METTL8: variants seen among roughly 807,000 people sequenced by gnomAD.
METTL8 encodes methyltransferase 8, tRNA N3-cytidine.
In METTL8, 32 loss-of-function variants were observed where a neutral mutation model predicts 48.7. That is an observed-to-expected ratio of 0.66 (90% CI 0.50 to 0.88). METTL8 has a LOEUF of 0.88. METTL8 is among the 40% of genes least tolerant of loss of function. The pLI is 0.00. For synonymous variants in METTL8, 136 were observed against 157.1 expected (o/e 0.87, Z 1.01); for missense variants, 464 against 474.4 (o/e 0.98, Z 0.20).
At chr2:171,353,624 T>G (rs1484230181) in intron 3 of METTL8, among the ~76,000 whole-genome samples, 1 of 152,220 alleles carries the variant, frequency 6.6e-6, no homozygotes. Context: ...TCTAAGGACT[T>G]GCTTTATGAA....
Position 171,360,447 on chromosome 2 carries a change from A to G in METTL8, c.210T>C (p.Ala70=), listed in dbSNP as rs145949185. 2.8e-4 allele frequency: 445 copies of G among 1,613,926 alleles called. 2 individuals are homozygous for G. In the African/African-American group the frequency reaches 5.2e-3, roughly 19 times the overall value. ...CTTGCTCTTCCAGAAGGACTCGCACAGCTGAGTTTTCTTTTACTTTTTTTC... is the reference window on the plus strand; with the variant it reads ...CTTGCTCTTCCAGAAGGACTCGCACGGCTGAGTTTTCTTTTACTTTTTTTC... ...AARKKVKENS[A]VRVLLEEQVK... The change falls in exon 3 of 10, where the codon GCT becomes GCC. Residue 70 remains alanine (A), a synonymous_variant. Transcript: ENST00000375258.
chr2:171,355,683 C>G (rs1405504507), intron 3 of METTL8, among the ~76,000 whole-genome samples: 2 of 152,366 alleles, frequency 1.3e-5, no homozygotes, highest in East Asian at 3.9e-4. Context: ...GCCCCTCCCC[C>G]AGCCTCGCTG....
At chr2:171,378,555 C>T (rs1687201976) in intron 2 of METTL8, among the ~76,000 whole-genome samples, 1 of 152,052 alleles carries the variant, frequency 6.6e-6, no homozygotes. Context: ...TTGCTTGAAC[C>T]CGGGAGGTGG....
At chr2:171,382,644 C>T (rs564403830) in intron 2 of METTL8, among the ~76,000 whole-genome samples, 1 of 151,978 alleles carries the variant, frequency 6.6e-6, no homozygotes, top group South Asian at 2.1e-4. Flanking sequence ...ACAGATGCAG[C>T]AAACCACCAT....
chr2:171,333,907 A>T (rs1178748582), intron 5 of METTL8, among the ~76,000 whole-genome samples: 1 of 152,204 alleles, frequency 6.6e-6, no homozygotes, highest in Non-Finnish European at 1.5e-5. Flanking sequence ...TTTGAAGTGA[A>T]TGGATTCTTA....
chr2:171,420,126 G>T (rs1288325003), intron 1 of METTL8, among the ~76,000 whole-genome samples: 1 of 152,216 alleles, frequency 6.6e-6, no homozygotes, highest in South Asian at 2.1e-4. Context: ...CAAGGTGGGC[G>T]GATCACTTGA....
intron 1 of METTL8, among the ~76,000 whole-genome samples, chr2:171,405,614 T>C (rs1690095500): frequency 6.6e-6 from 1 of 152,180 alleles, no homozygotes. Flanking sequence ...AAGAAGGGTA[T>C]TTGTTAAGCT....
intron 9 of METTL8, among the ~76,000 whole-genome samples, chr2:171,325,354 A>T (rs1248544094): frequency 6.6e-6 from 1 of 151,476 alleles, no homozygotes; most frequent in East Asian, 1.9e-4. Context: ...CCAGCTAATT[A>T]AAAAAAAATT....
chr2:171,387,374 T>C (rs1688166149), intron 2 of METTL8, among the ~76,000 whole-genome samples: 1 of 151,714 alleles, frequency 6.6e-6, no homozygotes, highest in Non-Finnish European at 1.5e-5. Context: ...GAGGGGGACA[T>C]AGGAGCTTTT....
At chr2:171,363,220 T>G (rs1050064809) in intron 2 of METTL8, among the ~76,000 whole-genome samples, 7 of 145,816 alleles carry the variant, frequency 4.8e-5, no homozygotes, top group African/African-American at 1.8e-4. Flanking sequence ...CAGAACAGAT[T>G]TTTTTTTTTT....
At chr2:171,371,039 T>C (rs1686276600) in intron 2 of METTL8, among the ~76,000 whole-genome samples, 1 of 152,152 alleles carries the variant, frequency 6.6e-6, no homozygotes, top group Non-Finnish European at 1.5e-5. Context: ...TCAAATCCAA[T>C]ATGCTATTAT....
intron 1 of METTL8, among the ~76,000 whole-genome samples, chr2:171,412,389 C>T (rs1690839031): frequency 1.3e-5 from 2 of 152,162 alleles, no homozygotes; most frequent in Admixed American, 1.3e-4. Context: ...ACTTCCCAGC[C>T]AGACTTGCTC....
intron 3 of METTL8, among the ~76,000 whole-genome samples, chr2:171,355,280 A>T (rs1684402433): frequency 1.3e-5 from 2 of 152,224 alleles, no homozygotes; most frequent in Non-Finnish European, 2.9e-5. Context: ...GCTGCAGAAC[A>T]GCAAATATTG....
Position 171,375,619 on chromosome 2 carries a change from A to T in METTL8, c.144-15106T>A, listed in dbSNP as rs533507111. 1.4e-4 allele frequency among the ~76,000 whole-genome samples: 22 copies of T among 152,328 alleles called. No homozygotes were observed. In the South Asian group the frequency reaches 4.6e-3, roughly 32 times the overall value. On this transcript the variant is annotated intron_variant, in intron 2 of 9. Transcript: ENST00000375258. ...TACCATCTGTATATCTTCTTTGGTG[A>T]AGTATCTTAAAATACTTCATTTTTA...
intron 1 of METTL8, among the ~76,000 whole-genome samples, chr2:171,405,729 TAGGCCAAAGAA>T (rs997131604): frequency 1.3e-5 from 2 of 152,056 alleles, no homozygotes; most frequent in African/African-American, 4.8e-5. Flanking sequence ...TGAGAATAAG[TAGGCCAAAGAA>T]AGGGGAAATA....
chr2:171,419,927 A>G (rs936796019), intron 1 of METTL8, among the ~76,000 whole-genome samples: 1 of 152,080 alleles, frequency 6.6e-6, no homozygotes, highest in Non-Finnish European at 1.5e-5. Context: ...TACATTTTCT[A>G]AACAGAGAAT....
rs996580789 is a variant in METTL8, at chr2:171,341,555, CT to C, written c.236-2002del. On this transcript the variant is annotated intron_variant, in intron 3 of 9. Transcript: ENST00000375258. ...CGCCTGGCACGTTCCTTTTTTTTCC[CT>C]TTTTTTTTTTCCGTGTTCTTGGGCA... Among the ~76,000 whole-genome samples, 516 of 145,212 alleles carry C rather than the reference CT, an allele frequency of 3.6e-3. 7 individuals are homozygous for C. Among genetic ancestry groups the C allele is most frequent in the East Asian group, 0.035 (177 of 5,008 alleles).
intron 1 of METTL8, among the ~76,000 whole-genome samples, chr2:171,411,808 C>G (rs1690782612): frequency 6.6e-6 from 1 of 151,910 alleles, no homozygotes; most frequent in South Asian, 2.1e-4. Flanking sequence ...AAAAGGAGAA[C>G]AAGACAAATA....
At chr2:171,377,408 G>C (rs550942569) in intron 2 of METTL8, among the ~76,000 whole-genome samples, 14 of 152,288 alleles carry the variant, frequency 9.2e-5, no homozygotes, top group African/African-American at 3.1e-4. Context: ...AAGCTGAAAA[G>C]CTTCTGCAAA....
Sources: gnomAD v4.1 joint callset for allele counts (sites outside exome capture counted in the v4.1 genomes callset) on GRCh38, gnomAD v4.1.1 for gene constraint, MANE v1.5 for transcripts, NCBI Gene and HGNC (gene_info 2026-07-23, HGNC 2026-07-21) for gene names.